The following CNTNAP5 variants were observed in gnomAD, a reference collection of about 807,000 sequenced individuals.
CNTNAP5 encodes the protein contactin associated protein family member 5.
CNTNAP5 carries 72 observed loss-of-function variants against 150.2 expected under a neutral mutation model. The ratio of observed to expected loss-of-function variants is 0.48; its 90% CI spans 0.40 to 0.58. CNTNAP5 has a LOEUF of 0.58. Among genes scored for constraint, CNTNAP5 ranks in the 20% least tolerant of loss-of-function variants. CNTNAP5 has a pLI of 0.00. For missense variants in CNTNAP5, 1,636 were observed against 1,626.2 expected, an observed-to-expected ratio of 1.01 and a Z score of -0.10; for synonymous variants, 672 against 619.8, an observed-to-expected ratio of 1.08 and a Z score of -1.25.
intron 8 of CNTNAP5, among the ~76,000 whole-genome samples, chr2:124,512,333 A>G (rs1004265436): frequency 2.6e-5 from 4 of 151,958 alleles, no homozygotes; most frequent in Non-Finnish European, 5.9e-5. Context: ...GTAAGTCTAC[A>G]TTTTAAATAC....
intron 3 of CNTNAP5, among the ~76,000 whole-genome samples, chr2:124,282,883 A>C (rs752161208): frequency 5.9e-5 from 9 of 152,280 alleles, no homozygotes; most frequent in Middle Eastern, 3.4e-3. Context: ...TAGATAATAT[A>C]TCATTACTGT....
intron 19 of CNTNAP5, among the ~76,000 whole-genome samples, chr2:124,864,224 T>G (rs1310199590): frequency 6.6e-6 from 1 of 152,244 alleles, no homozygotes; most frequent in Non-Finnish European, 1.5e-5. Flanking sequence ...TTTTAAATTT[T>G]ATTTTTAATT....
intron 4 of CNTNAP5, among the ~76,000 whole-genome samples, chr2:124,426,851 G>T (rs1356092122): frequency 6.6e-6 from 1 of 152,190 alleles, no homozygotes; most frequent in Non-Finnish European, 1.5e-5. Flanking sequence ...GTCGGCCAGT[G>T]CTGGCATTCT....
Position 124,717,231 on chromosome 2 carries a change from G to A in CNTNAP5, c.2078-29998G>A, listed in dbSNP as rs577638365. On this transcript the variant is annotated intron_variant, in intron 13 of 23. Coordinates refer to ENST00000682447, the MANE Select transcript of CNTNAP5 (RefSeq NM_001367498.1). ...ACGGAGGAGCAGGGGAGTGTAGGCT[G>A]TGTTGGGCCATGATGAAGATCAGAG... Among the ~76,000 whole-genome samples, 95 of 152,232 alleles carry A rather than the reference G, an allele frequency of 6.2e-4. 1 individual carries two copies. Among genetic ancestry groups the A allele is most frequent in the African/African-American group, 2.2e-3 (93 of 41,544 alleles).
intron 3 of CNTNAP5, among the ~76,000 whole-genome samples, chr2:124,373,059 T>C (rs116737439): frequency 0.015 from 2,213 of 152,126 alleles, 50 homozygotes; most frequent in African/African-American, 0.05. Flanking sequence ...AATTTGGCAG[T>C]CCAAAGACAG....
At chr2:124,804,167 C>T (rs983311393) in intron 19 of CNTNAP5, among the ~76,000 whole-genome samples, 4 of 152,128 alleles carry the variant, frequency 2.6e-5, no homozygotes, top group African/African-American at 9.7e-5. Flanking sequence ...TTTCATCATC[C>T]ATTTCACAGT....
At chr2:124,628,182 C>T (rs1016369234) in intron 12 of CNTNAP5, among the ~76,000 whole-genome samples, 1 of 152,154 alleles carries the variant, frequency 6.6e-6, no homozygotes, top group Non-Finnish European at 1.5e-5. Context: ...CCTAGAAAGA[C>T]AAGCCAATAT....
chr2:124,171,118 CT>C (rs920128051), intron 1 of CNTNAP5, among the ~76,000 whole-genome samples: 1 of 152,116 alleles, frequency 6.6e-6, no homozygotes, highest in East Asian at 1.9e-4. Context: ...AAGGTTATTG[CT>C]TTTTCAAAAC....
intron 1 of CNTNAP5, among the ~76,000 whole-genome samples, chr2:124,183,235 A>G (rs141120456): frequency 1.7e-3 from 260 of 152,302 alleles, no homozygotes; most frequent in African/African-American, 6.0e-3. Context: ...AATTTAATGG[A>G]TGAATGAAAT....
At chr2:124,047,877 A>G (rs557568581) in intron 1 of CNTNAP5, among the ~76,000 whole-genome samples, 27 of 152,292 alleles carry the variant, frequency 1.8e-4, no homozygotes, top group Admixed American at 6.5e-4. Flanking sequence ...ACCCAGGATC[A>G]GGGAAGCCCA....
At chr2:124,168,930 C>A (rs1684867606) in intron 1 of CNTNAP5, among the ~76,000 whole-genome samples, 1 of 152,180 alleles carries the variant, frequency 6.6e-6, no homozygotes, top group African/African-American at 2.4e-5. Flanking sequence ...ATCTGACCAT[C>A]CCTACCTCTG....
At chr2:124,299,072 G>T (rs1351770606) in intron 3 of CNTNAP5, among the ~76,000 whole-genome samples, 3 of 152,270 alleles carry the variant, frequency 2.0e-5, no homozygotes, top group Non-Finnish European at 4.4e-5. Context: ...AAAAAGGAAA[G>T]AAAAGGGAAA....
chr2:124,526,451 T>C (rs1694970389), intron 9 of CNTNAP5, among the ~76,000 whole-genome samples: 1 of 152,184 alleles, frequency 6.6e-6, no homozygotes, highest in Middle Eastern at 3.2e-3. Context: ...CAGTTATTTA[T>C]GGGTTATTAC....
intron 3 of CNTNAP5, among the ~76,000 whole-genome samples, chr2:124,394,082 G>T (rs750984056): frequency 2.6e-5 from 4 of 151,994 alleles, no homozygotes; most frequent in Non-Finnish European, 5.9e-5. Flanking sequence ...ATTAATAAAA[G>T]GTGAATAAGC....
chr2:124,768,703 A>G (rs1158311977), intron 16 of CNTNAP5, among the ~76,000 whole-genome samples: 1 of 151,984 alleles, frequency 6.6e-6, no homozygotes, highest in Non-Finnish European at 1.5e-5. Flanking sequence ...TCGAGGACCC[A>G]CCCAGCTCTG....
At chr2:124,676,426 C>G (rs1678941395) in intron 13 of CNTNAP5, among the ~76,000 whole-genome samples, 1 of 152,200 alleles carries the variant, frequency 6.6e-6, no homozygotes, top group Admixed American at 6.5e-5. Context: ...TTTCCTTTAA[C>G]AGTTTTAGTC....
chr2:124,262,483 T>C (rs906823827), intron 3 of CNTNAP5, among the ~76,000 whole-genome samples: 1 of 152,202 alleles, frequency 6.6e-6, no homozygotes, highest in African/African-American at 2.4e-5. Flanking sequence ...AGCATCATTC[T>C]GTAAACTTAA....
chr2:124,490,063 AATT>A (rs555432693), intron 7 of CNTNAP5, among the ~76,000 whole-genome samples: 165 of 152,206 alleles, frequency 1.1e-3, no homozygotes, highest in African/African-American at 3.7e-3. Context: ...AATTATTATT[AATT>A]ATTACACCTG....
chr2:124,458,556 A>G (rs1693176137), intron 6 of CNTNAP5, among the ~76,000 whole-genome samples: 1 of 151,808 alleles, frequency 6.6e-6, no homozygotes, highest in Non-Finnish European at 1.5e-5. Context: ...AAAGACCACA[A>G]ATTGGGTGCC....
Sources: gnomAD v4.1 joint callset for allele counts (sites outside exome capture counted in the v4.1 genomes callset) on GRCh38, gnomAD v4.1.1 for gene constraint, MANE v1.5 for transcripts, NCBI Gene and HGNC (gene_info 2026-07-23, HGNC 2026-07-21) for gene names.